RTL4: variants seen among roughly 807,000 people sequenced by gnomAD.
RTL4 encodes the protein retrotransposon Gag like 4, also known as retrotransposon Gag-like protein 4.
A neutral mutation model predicts 5.3 loss-of-function variants in RTL4; 4 were observed. The observed-to-expected ratio is 0.75, with a 90% confidence interval of 0.37 to 1.72. The LOEUF is 1.72. Among genes scored for constraint, RTL4 ranks in the 40% most tolerant of loss-of-function variants. The pLI is 0.04. For synonymous variants in RTL4, 98 were observed against 87.3 expected, an observed-to-expected ratio of 1.12 and a Z score of -0.68; for missense variants, 260 against 227.1, an observed-to-expected ratio of 1.14 and a Z score of -0.93.
the RTL4 span, among the ~76,000 whole-genome samples, chrX:112,346,347 A>G: frequency 9.0e-6 from 1 of 110,979 alleles, no homozygotes. Flanking sequence ...ACTTTCTTCA[A>G]TTTCTTCTAT....
the RTL4 span, among the ~76,000 whole-genome samples, chrX:112,403,599 T>C: frequency 8.9e-6 from 1 of 111,945 alleles, no homozygotes; most frequent in Non-Finnish European, 1.9e-5. Context: ...GACAAATGAT[T>C]TGTGACCACT....
At chrX:112,305,432 G>T in the RTL4 span, among the ~76,000 whole-genome samples, 83 of 108,284 alleles carry the variant, frequency 7.7e-4, 1 homozygote, top group East Asian at 0.024. Context: ...GTGCCATCTC[G>T]GCTCACTGCA....
At chrX:112,124,676 G>T in the RTL4 span, among the ~76,000 whole-genome samples, 22 of 99,994 alleles carry the variant, frequency 2.2e-4, no homozygotes, top group East Asian at 2.0e-3. Flanking sequence ...CCGGTTGTTG[G>T]GGGGGAGGGG....
At chrX:112,269,640 T>C in the RTL4 span, among the ~76,000 whole-genome samples, 3 of 112,168 alleles carry the variant, frequency 2.7e-5, no homozygotes, top group Non-Finnish European at 5.6e-5. Context: ...TTAATTATTT[T>C]TTATGGTCAC....
At chrX:112,373,727 A>AGCAC in the RTL4 span, among the ~76,000 whole-genome samples, 1 of 109,787 alleles carries the variant, frequency 9.1e-6, no homozygotes, top group South Asian at 3.9e-4. Flanking sequence ...CAATCAAGGT[A>AGCAC]TAGAACATTT....
chrX:112,292,706 C>T, the RTL4 span, among the ~76,000 whole-genome samples: 6 of 111,454 alleles, frequency 5.4e-5, no homozygotes, highest in South Asian at 1.1e-3. Flanking sequence ...AAACTCAGTA[C>T]TTTTTTTCTT....
chrX:112,455,852 C>T (rs987438513), exon 1 of RTL4: 24 of 424,670 alleles, frequency 5.7e-5, no homozygotes, highest in Admixed American at 4.8e-4. Context: ...AAACCTAACC[C>T]GAGAATGATG....
the RTL4 span, among the ~76,000 whole-genome samples, chrX:112,086,837 G>C: frequency 1.8e-5 from 2 of 111,832 alleles, no homozygotes; most frequent in Non-Finnish European, 3.8e-5. Flanking sequence ...TTGGGACGAC[G>C]AATGACTGTA....
chrX:112,146,474 T>G, the RTL4 span, among the ~76,000 whole-genome samples: 2 of 111,177 alleles, frequency 1.8e-5, no homozygotes, highest in Non-Finnish European at 3.8e-5. Flanking sequence ...GATAATACAT[T>G]TATGATTTTT....
At chrX:112,449,772 T>C (rs1926702317), upstream of RTL4, among the ~76,000 whole-genome samples, 1 of 111,860 alleles carries the variant, frequency 8.9e-6, no homozygotes, top group African/African-American at 3.2e-5. Context: ...AATGTTGGGG[T>C]CTCCTGCTAA....
At chrX:112,327,406 G>A in the RTL4 span, among the ~76,000 whole-genome samples, 800 of 111,566 alleles carry the variant, frequency 7.2e-3, 10 homozygotes, top group African/African-American at 0.025. Flanking sequence ...AAGGGTATCA[G>A]CGATGGAAGA....
chrX:112,420,811 C>T, the RTL4 span, among the ~76,000 whole-genome samples: 2 of 111,761 alleles, frequency 1.8e-5, no homozygotes, highest in Non-Finnish European at 3.8e-5. Flanking sequence ...ATATGCCTGG[C>T]CACATAGGGC....
the RTL4 span, among the ~76,000 whole-genome samples, chrX:112,127,639 T>C: frequency 1.8e-5 from 2 of 111,760 alleles, no homozygotes; most frequent in South Asian, 7.5e-4. Context: ...AAAACTCTGT[T>C]TACATATGAC....
chrX:112,216,093 A>C, the RTL4 span, among the ~76,000 whole-genome samples: 1 of 111,920 alleles, frequency 8.9e-6, no homozygotes, highest in African/African-American at 3.2e-5. Flanking sequence ...AATAATCTTT[A>C]AAAATTATAG....
the RTL4 span, among the ~76,000 whole-genome samples, chrX:112,355,792 C>A: frequency 9.0e-6 from 1 of 111,493 alleles, no homozygotes; most frequent in East Asian, 2.8e-4. Context: ...CCTGCTTTGG[C>A]CATGTGGTCC....
chrX:112,245,626 C>T, the RTL4 span, among the ~76,000 whole-genome samples: 2 of 110,907 alleles, frequency 1.8e-5, no homozygotes, highest in African/African-American at 3.3e-5. Flanking sequence ...TTATCTTCCT[C>T]GCAATGGGTT....
chrX:112,271,141 G>A, the RTL4 span, among the ~76,000 whole-genome samples: 2 of 110,647 alleles, frequency 1.8e-5, no homozygotes, highest in African/African-American at 6.5e-5. Context: ...AGCACAATGG[G>A]AACTAAGCTA....
chrX:112,307,197 T>G, the RTL4 span, among the ~76,000 whole-genome samples: 1 of 112,168 alleles, frequency 8.9e-6, no homozygotes, highest in Non-Finnish European at 1.9e-5. Context: ...TTCTATGGGT[T>G]GGGCTGTGTT....
chrX:112,324,307 T>C, the RTL4 span, among the ~76,000 whole-genome samples: 1 of 112,365 alleles, frequency 8.9e-6, no homozygotes, highest in Non-Finnish European at 1.9e-5. Flanking sequence ...TGGATTTTGT[T>C]GATTATTTCC....
Sources: gnomAD v4.1 joint callset for allele counts (sites outside exome capture counted in the v4.1 genomes callset) on GRCh38, gnomAD v4.1.1 for gene constraint, MANE v1.5 for transcripts, NCBI Gene and HGNC (gene_info 2026-07-23, HGNC 2026-07-21) for gene names.